Variants in NHS observed in about 807,000 individuals in gnomAD.
NHS encodes NHS actin remodeling regulator, also known as actin remodeling regulator NHS.
Under a neutral mutation model 72.5 loss-of-function variants are expected in NHS, and 5 were observed. That is an observed-to-expected ratio of 0.07 (90% CI 0.04 to 0.14). The LOEUF (loss-of-function observed/expected upper bound fraction) is 0.14. NHS is among the 10% of genes least tolerant of loss of function. The probability of loss-of-function intolerance (pLI) is 1.00; values close to 1 mark genes in which losing one functional copy is unlikely to be tolerated. For missense variants in NHS, 1,072 were observed against 1,355.7 expected (o/e 0.79, Z 3.29); for synonymous variants, 464 against 547.7 (o/e 0.85, Z 2.13).
chrX:17,508,242 C>T (rs373904606), intron 1 of NHS, among the ~76,000 whole-genome samples: 46 of 109,606 alleles, frequency 4.2e-4, no homozygotes, highest in African/African-American at 1.5e-3. Flanking sequence ...TTCCCCCAGC[C>T]CCCTCCCACC....
chrX:17,482,107 G>T (rs1284799701), intron 1 of NHS, among the ~76,000 whole-genome samples: 1 of 111,430 alleles, frequency 9.0e-6, no homozygotes, highest in Non-Finnish European at 1.9e-5. Context: ...TCTAAAATGG[G>T]GATACTAATA....
Position 17,469,982 on chromosome X carries a change from T to C in NHS, c.565+93660T>C, listed in dbSNP as rs1339023331. On this transcript the variant is annotated intron_variant, in intron 1 of 8. Coordinates refer to ENST00000676302, the MANE Select transcript of NHS (RefSeq NM_001291867.2). ...TTTTTGTTTTTTGTTTTTAAGAGTT[T>C]GAAAAGAGATGATTTGGGTTTATTG... Among the ~76,000 whole-genome samples the C allele has an allele frequency of 8.1e-5, 9 of 111,173 alleles. No homozygotes were observed. The Admixed American group carries it at 8.6e-4, about 11-fold the overall frequency.
At chrX:17,508,540 GGCTCACTGCAACCTC>G (rs2065070155) in intron 1 of NHS, among the ~76,000 whole-genome samples, 1 of 111,263 alleles carries the variant, frequency 9.0e-6, no homozygotes, top group Non-Finnish European at 1.9e-5. Context: ...GCATGATCTC[GGCTCACTGCAACCTC>G]CACCTCCCAG....
At position 17,564,969 on chromosome X, in the gene NHS, A is replaced by ATTT. The variant is rs201932159; in HGVS notation, c.566-122766_566-122764dup. On this transcript the variant is annotated intron_variant, in intron 1 of 8. Coordinates refer to ENST00000676302, the MANE Select transcript of NHS (RefSeq NM_001291867.2). ...CCTGTGGCAAATTGGGTACAGCCACATTTTTTTTTATTTATTTTTTTTTTT... is the reference window on the plus strand; with the variant it reads ...CCTGTGGCAAATTGGGTACAGCCACATTTTTTTTTTTTATTTATTTTTTTTTTT... Among the ~76,000 whole-genome samples the ATTT allele has an allele frequency of 1.2e-4, 12 of 99,944 alleles. 1 individual carries two copies. The highest frequency in any genetic ancestry group is 5.5e-4 in the African/African-American group (12 of 21,739). The allele number at this position is 99,944 out of a possible 115,157, so 86.8% of individuals were successfully genotyped here. A position where few individuals can be genotyped will look rare whatever the true frequency, so the allele number is the denominator to read the frequency against.
chrX:17,546,619 C>T (rs2065294696), intron 1 of NHS, among the ~76,000 whole-genome samples: 1 of 111,902 alleles, frequency 8.9e-6, no homozygotes, highest in African/African-American at 3.2e-5. Flanking sequence ...ATAAATAAGG[C>T]AGTTCTTGCC....
At chrX:17,457,326 A>G (rs948416303) in intron 1 of NHS, among the ~76,000 whole-genome samples, 2 of 111,960 alleles carry the variant, frequency 1.8e-5, no homozygotes, top group African/African-American at 3.3e-5. Context: ...GAAGCATAGC[A>G]CCAGCATTTG....
chrX:17,629,173 G>A (rs1050836869), intron 1 of NHS, among the ~76,000 whole-genome samples: 1 of 111,939 alleles, frequency 8.9e-6, no homozygotes, highest in Admixed American at 9.4e-5. Context: ...AGGGGGAGAG[G>A]GAGATTGACA....
intron 1 of NHS, among the ~76,000 whole-genome samples, chrX:17,470,356 A>G (rs1401471136): frequency 9.0e-6 from 1 of 111,434 alleles, no homozygotes; most frequent in Non-Finnish European, 1.9e-5. Flanking sequence ...ATGAGCCATT[A>G]TGGTGACAGT....
intron 1 of NHS, among the ~76,000 whole-genome samples, chrX:17,464,675 C>G (rs2064863444): frequency 8.9e-6 from 1 of 112,934 alleles, no homozygotes; most frequent in Admixed American, 9.3e-5. Flanking sequence ...CTGCAAGAAT[C>G]AACTTGGGAG....
chrX:17,702,375 A>C (rs2066270331), intron 3 of NHS, among the ~76,000 whole-genome samples: 1 of 111,956 alleles, frequency 8.9e-6, no homozygotes, highest in South Asian at 3.8e-4. Flanking sequence ...TATAATTTTA[A>C]ATGGAACAGT....
chrX:17,612,788 C>T (rs1351684116), intron 1 of NHS, among the ~76,000 whole-genome samples: 1 of 110,543 alleles, frequency 9.0e-6, no homozygotes, highest in Non-Finnish European at 1.9e-5. Flanking sequence ...TTTGCCAGGC[C>T]CTGTTCTGGC....
At chrX:17,389,674 T>C (rs2064431721) in intron 1 of NHS, among the ~76,000 whole-genome samples, 1 of 110,391 alleles carries the variant, frequency 9.1e-6, no homozygotes, top group Non-Finnish European at 1.9e-5. Flanking sequence ...CAATCTCAGC[T>C]CACTGCAACC....
At chrX:17,566,693 T>G (rs5909383) in intron 1 of NHS, among the ~76,000 whole-genome samples, 49,473 of 109,943 alleles carry the variant, frequency 0.45, 8,959 homozygotes, top group East Asian at 0.76. Flanking sequence ...TTGTTTGTTT[T>G]TTTTTTTTTT....
At chrX:17,623,093 A>G (rs752523559) in intron 1 of NHS, among the ~76,000 whole-genome samples, 1 of 110,591 alleles carries the variant, frequency 9.0e-6, no homozygotes, top group South Asian at 3.9e-4. Context: ...ATGCCCTGCT[A>G]ATTTTTTCTT....
chrX:17,548,303 T>G (rs2065304372), intron 1 of NHS, among the ~76,000 whole-genome samples: 1 of 104,920 alleles, frequency 9.5e-6, no homozygotes, highest in African/African-American at 3.5e-5. Context: ...GACGAATGAG[T>G]TTTTTTTTTT....
intron 3 of NHS, among the ~76,000 whole-genome samples, chrX:17,700,627 G>T (rs950663539): frequency 1.8e-5 from 2 of 111,458 alleles, no homozygotes; most frequent in African/African-American, 6.5e-5. Context: ...AGGGCAATTT[G>T]GCAATATCTA....
chrX:17,669,570 G>A (rs1227988484), intron 1 of NHS, among the ~76,000 whole-genome samples: 1 of 111,870 alleles, frequency 8.9e-6, no homozygotes, highest in African/African-American at 3.3e-5. Flanking sequence ...TTTCTTTGCA[G>A]GCTGGGAAAT....
chrX:17,647,564 C>A (rs2065911623), intron 1 of NHS, among the ~76,000 whole-genome samples: 1 of 112,097 alleles, frequency 8.9e-6, no homozygotes, highest in Non-Finnish European at 1.9e-5. Flanking sequence ...TCTTTGCATA[C>A]CTTATCTTCT....
chrX:17,467,633 A>G (rs2064875944), intron 1 of NHS, among the ~76,000 whole-genome samples: 1 of 112,425 alleles, frequency 8.9e-6, no homozygotes, highest in Admixed American at 9.4e-5. Context: ...CATTTTAAAA[A>G]TTAAATTAAT....
Sources: allele counts gnomAD v4.1 joint callset (sites outside exome capture counted in the v4.1 genomes callset), GRCh38; gene constraint gnomAD v4.1.1; transcripts MANE v1.5; gene names NCBI Gene and HGNC (gene_info 2026-07-23, HGNC 2026-07-21).